ANKFN1: variants seen among roughly 807,000 people sequenced by gnomAD.
ANKFN1 encodes ankyrin repeat and fibronectin type III domain containing 1.
A neutral mutation model predicts 108.7 loss-of-function variants in ANKFN1; 74 were observed. The observed-to-expected ratio is 0.68, with a 90% confidence interval of 0.56 to 0.83. The LOEUF is 0.83. Among genes scored for constraint, ANKFN1 ranks in the 40% least tolerant of loss-of-function variants. The pLI is 0.00. For synonymous variants in ANKFN1, 547 were observed against 516.2 expected, an observed-to-expected ratio of 1.06 and a Z score of -0.81; for missense variants, 1,505 against 1,382.3, an observed-to-expected ratio of 1.09 and a Z score of -1.41.
At chr17:56,135,559 T>C (rs1444738946) in intron 4 of ANKFN1, among the ~76,000 whole-genome samples, 1 of 152,192 alleles carries the variant, frequency 6.6e-6, no homozygotes, top group Non-Finnish European at 1.5e-5. Flanking sequence ...AGAGCACTTT[T>C]AAGAGAAAAT....
upstream of ANKFN1, among the ~76,000 whole-genome samples, chr17:56,149,916 A>G (rs1484403739): frequency 6.6e-6 from 1 of 152,142 alleles, no homozygotes; most frequent in East Asian, 1.9e-4. Context: ...TATCAATCCC[A>G]TCACCACTTC....
Position 56,353,874 on chromosome 17 carries a change from A to T in ANKFN1, c.429A>T (p.Glu143Asp). 3 of 1,614,014 alleles carry T rather than the reference A, an allele frequency of 1.9e-6. No individual in the cohort carries two copies. The highest frequency in any genetic ancestry group is 2.2e-5 in the South Asian group (2 of 91,082). Residue 143 changes from glutamate to aspartate, a missense_variant, in exon 6 of 21, where the codon GAA becomes GAT. Physicochemically the swap from Glu to Asp is conservative, Grantham distance 45. Transcript: ENST00000682825. ...ATGAAGCCATGTTTGAGGCAGTCGA[A>T]CAGCAGGACATGGATGCTGTGCAGA... The part of the protein sequence containing the change: ...QGNEAMFEAV[E>D]QQDMDAVQIL...
At chr17:56,243,399 C>A (rs1917729437) in intron 3 of ANKFN1, among the ~76,000 whole-genome samples, 1 of 152,136 alleles carries the variant, frequency 6.6e-6, no homozygotes, top group African/African-American at 2.4e-5. Flanking sequence ...AGCCTCCAAG[C>A]TAGTGATAGT....
At chr17:56,491,466 C>T (rs10515128) in intron 18 of ANKFN1, among the ~76,000 whole-genome samples, 19,778 of 152,146 alleles carry the variant, frequency 0.13, 1,750 homozygotes, top group African/African-American at 0.25. Flanking sequence ...CTCAATCCTA[C>T]ACTGCTCTGT....
In ANKFN1 at chr17:56,353,881, G is replaced by T. The variant is rs143542812; in HGVS notation, c.436G>T (p.Asp146Tyr). The T allele has an allele frequency of 1.9e-4, 301 of 1,613,994 alleles. 1 individual carries two copies. In the Middle Eastern group the frequency reaches 2.8e-3, roughly 15 times the overall value. ...EAMFEAVEQQ[D>Y]MDAVQILLYQ... ...CATGTTTGAGGCAGTCGAACAGCAG[G>T]ACATGGATGCTGTGCAGATCCTCCT... The change falls in exon 6 of 21, where the codon GAC (aspartate) becomes TAC (tyrosine). Residue 146 changes from aspartate (D) to tyrosine (Y), a missense_variant. Transcript: ENST00000682825.
rs143707376 is a variant in ANKFN1, at chr17:56,287,728, T to C, written c.54-38493T>C. Among the ~76,000 whole-genome samples the C allele has an allele frequency of 3.5e-3, 526 of 152,332 alleles. 2 individuals carry two copies. Among genetic ancestry groups the C allele is most frequent in the African/African-American group, 0.012 (501 of 41,574 alleles). ...GCAAAATATTGTTCTTTTTCATAAG[T>C]TTGTAAATGAAACCTTAAAAAGGGC... On this transcript the variant is annotated intron_variant, in intron 3 of 20. Coordinates refer to ENST00000682825, the MANE Select transcript of ANKFN1 (RefSeq NM_001370326.1).
intron 8 of ANKFN1, among the ~76,000 whole-genome samples, chr17:56,381,563 A>G (rs935262501): frequency 6.6e-6 from 1 of 152,262 alleles, no homozygotes. Context: ...ATGTATAACT[A>G]GAATAACCAA....
intron 4 of ANKFN1, among the ~76,000 whole-genome samples, chr17:56,109,952 A>G (rs1442338886): frequency 6.6e-6 from 1 of 152,240 alleles, no homozygotes; most frequent in Non-Finnish European, 1.5e-5. Context: ...AGCTCTACCA[A>G]CAGCTCCTTC....
chr17:56,397,336 G>A (rs370367526), intron 8 of ANKFN1, among the ~76,000 whole-genome samples: 5 of 152,146 alleles, frequency 3.3e-5, no homozygotes, highest in Admixed American at 6.5e-5. Context: ...TTCTGATGAC[G>A]TGTGTGCTAA....
intron 3 of ANKFN1, among the ~76,000 whole-genome samples, chr17:56,273,731 T>A (rs907627497): frequency 1.3e-5 from 2 of 152,202 alleles, no homozygotes; most frequent in African/African-American, 4.8e-5. Flanking sequence ...AAATAGCTAA[T>A]ATTATTGTGT....
chr17:56,245,661 G>A (rs776243569), intron 3 of ANKFN1: 1 of 152,014 alleles, frequency 6.6e-6, no homozygotes, highest in Admixed American at 6.6e-5. Flanking sequence ...ACGTTTTAAA[G>A]TAGAAACATT....
rs1299630211 is a variant in ANKFN1, at chr17:56,326,229, G to C, written c.62G>C (p.Arg21Thr). ...TTTTATTCTTTACACAGAATAGGAA[G>C]GAGATTCGCTTGCTTTGCACAGAGG... The part of the protein sequence containing the change: ...RHFTCSKIIG[R>T]RFACFAQRLS... The change falls in exon 4 of 21, where the codon AGG becomes ACG. Residue 21 changes from arginine to threonine, a missense_variant. Transcript: ENST00000682825. 1 of 1,612,356 alleles carries C rather than the reference G, an allele frequency of 6.2e-7. No individual in the cohort carries two copies. Among genetic ancestry groups the C allele is most frequent in the Non-Finnish European group, 8.5e-7 (1 of 1,179,314 alleles).
intron 3 of ANKFN1, among the ~76,000 whole-genome samples, chr17:56,240,429 T>G (rs772936916): frequency 4.1e-4 from 62 of 152,210 alleles, no homozygotes; most frequent in Non-Finnish European, 7.1e-4. Context: ...CTATTTTCAT[T>G]CATTCATTCA....
intron 2 of ANKFN1, among the ~76,000 whole-genome samples, chr17:56,219,715 C>G (rs1189805978): frequency 2.0e-5 from 3 of 152,184 alleles, no homozygotes; most frequent in African/African-American, 7.2e-5. Flanking sequence ...GCATGGAAAT[C>G]TTTTTATTGT....
At chr17:56,151,545 G>A (rs1006090363), upstream of ANKFN1, among the ~76,000 whole-genome samples, 7 of 152,180 alleles carry the variant, frequency 4.6e-5, no homozygotes, top group South Asian at 2.1e-4. Context: ...TAGGAAACAC[G>A]CCCTTAAATG....
At chr17:56,213,697 A>G (rs1388664802) in intron 2 of ANKFN1, among the ~76,000 whole-genome samples, 1 of 152,216 alleles carries the variant, frequency 6.6e-6, no homozygotes, top group Non-Finnish European at 1.5e-5. Flanking sequence ...GAAGACTAAT[A>G]TGATCTCTGG....
At chr17:56,292,110 T>A (rs908458983) in intron 3 of ANKFN1, among the ~76,000 whole-genome samples, 1 of 152,212 alleles carries the variant, frequency 6.6e-6, no homozygotes, top group African/African-American at 2.4e-5. Flanking sequence ...TACTAAGTAG[T>A]GGGCATCATT....
intron 1 of ANKFN1, among the ~76,000 whole-genome samples, chr17:56,182,622 T>C (rs947244303): frequency 6.6e-6 from 1 of 152,160 alleles, no homozygotes; most frequent in Non-Finnish European, 1.5e-5. Flanking sequence ...AAATGCAAAG[T>C]GAGGCAGCAA....
chr17:56,169,993 T>C (rs1164473237), intron 1 of ANKFN1, among the ~76,000 whole-genome samples: 3 of 152,164 alleles, frequency 2.0e-5, no homozygotes, highest in Non-Finnish European at 2.9e-5. Flanking sequence ...CAGGTCGATC[T>C]GGTAAATCCA....
Sources: gnomAD v4.1 joint callset for allele counts (sites outside exome capture counted in the v4.1 genomes callset) on GRCh38, gnomAD v4.1.1 for gene constraint, MANE v1.5 for transcripts, NCBI Gene and HGNC (gene_info 2026-07-23, HGNC 2026-07-21) for gene names.